The following MKLN1 variants were observed in gnomAD, a reference collection of about 807,000 sequenced individuals.
MKLN1 encodes the protein muskelin.
Under a neutral mutation model 99.0 loss-of-function variants are expected in MKLN1, and 18 were observed. The ratio of observed to expected loss-of-function variants is 0.18; its 90% CI spans 0.13 to 0.27. MKLN1 has a LOEUF of 0.27. Ranked by LOEUF, MKLN1 falls within the 10% of genes least tolerant of loss-of-function variation. The pLI is 1.00. For synonymous variants in MKLN1, 288 were observed against 293.2 expected, an observed-to-expected ratio of 0.98 and a Z score of 0.18; for missense variants, 621 against 875.9, an observed-to-expected ratio of 0.71 and a Z score of 3.67.
intron 8 of MKLN1, among the ~76,000 whole-genome samples, chr7:131,418,369 CAAAAAAA>C (rs943898750): frequency 5.5e-5 from 3 of 54,784 alleles, no homozygotes; most frequent in Non-Finnish European, 1.2e-4. Flanking sequence ...GACTTCGTCT[CAAAAAAA>C]AAAAAAAAAA....
At chr7:131,188,493 A>C (rs1001372035) in intron 2 of MKLN1, among the ~76,000 whole-genome samples, 5 of 151,802 alleles carry the variant, frequency 3.3e-5, no homozygotes, top group African/African-American at 1.2e-4. Context: ...GCTCATCTTG[A>C]CTCCACAGGA....
chr7:131,158,968 T>C (rs1796008151), intron 2 of MKLN1, among the ~76,000 whole-genome samples: 1 of 152,012 alleles, frequency 6.6e-6, no homozygotes. Flanking sequence ...CAAGTTATTA[T>C]AGGGTAGGTT....
chr7:131,349,554 G>A (rs941652679), intron 1 of MKLN1, among the ~76,000 whole-genome samples: 2 of 152,162 alleles, frequency 1.3e-5, no homozygotes, highest in Non-Finnish European at 1.5e-5. Context: ...TGAAGAATGT[G>A]TGTACTAAGC....
In MKLN1 at chr7:131,487,530, A is replaced by G. The variant is rs947442647; in HGVS notation, c.2087-77A>G. The G allele has an allele frequency of 1.2e-5, 18 of 1,486,044 alleles. No homozygotes were observed. In the African/African-American group the frequency reaches 2.4e-4, roughly 20 times the overall value. The allele number at this position is 1,486,044 out of a possible 1,614,324, so 92.1% of individuals were successfully genotyped here. ...ATTTGATTTCTCCATTATAAAATAC[A>G]TTGCTGCTGGTCTCAACTAGTTTTT... On this transcript the variant is annotated intron_variant, in intron 17 of 17. Transcript: ENST00000352689. This position sits in a 1 kb window ranked among gnomAD's most constrained non-coding sequence, Gnocchi z 4.7.
intron 3 of MKLN1, chr7:131,309,868 G>A (rs1050692350): frequency 1.3e-5 from 2 of 152,156 alleles, no homozygotes; most frequent in African/African-American, 4.8e-5. Flanking sequence ...TGGGACTACA[G>A]GTGCCCGCCA....
chr7:131,222,525 C>T (rs539131546), intron 3 of MKLN1, among the ~76,000 whole-genome samples: 1 of 152,306 alleles, frequency 6.6e-6, no homozygotes, highest in Admixed American at 6.5e-5. Flanking sequence ...TACAAAGCAT[C>T]TCCCCTAAGG....
chr7:131,150,254 G>A (rs1795870215), intron 2 of MKLN1, among the ~76,000 whole-genome samples: 1 of 152,156 alleles, frequency 6.6e-6, no homozygotes, highest in South Asian at 2.1e-4. Context: ...GTGACCTTGA[G>A]CAAGCAACTT....
chr7:131,332,468 A>G (rs1478130587), intron 1 of MKLN1, among the ~76,000 whole-genome samples: 1 of 148,662 alleles, frequency 6.7e-6, no homozygotes, highest in East Asian at 1.9e-4. Context: ...ATATTAAAAT[A>G]TATTTTATAT....
chr7:131,233,438 G>T (rs1036996404), intron 3 of MKLN1, among the ~76,000 whole-genome samples: 2 of 150,962 alleles, frequency 1.3e-5, no homozygotes, highest in African/African-American at 4.9e-5. Context: ...GTCATGACAG[G>T]GTTATAACAT....
chr7:131,132,252 A>T (rs533392391), intron 1 of MKLN1, among the ~76,000 whole-genome samples: 8 of 152,318 alleles, frequency 5.3e-5, no homozygotes, highest in South Asian at 2.1e-4. Context: ...GTACAATCTC[A>T]GGTGGCATTC....
At chr7:131,407,497 TGTG>T (rs1794742095) in intron 6 of MKLN1, among the ~76,000 whole-genome samples, 1 of 152,022 alleles carries the variant, frequency 6.6e-6, no homozygotes, top group Admixed American at 6.6e-5. Context: ...AATATTTTAA[TGTG>T]GTGAATTTTT....
intron 2 of MKLN1, among the ~76,000 whole-genome samples, chr7:131,183,971 T>C (rs1796411757): frequency 6.6e-6 from 1 of 151,974 alleles, no homozygotes; most frequent in East Asian, 1.9e-4. Context: ...AAATTGCCTG[T>C]TCACCTCCTC....
chr7:131,187,583 T>C (rs1310710416), intron 2 of MKLN1, among the ~76,000 whole-genome samples: 1 of 152,198 alleles, frequency 6.6e-6, no homozygotes, highest in Non-Finnish European at 1.5e-5. Flanking sequence ...ACAGAGACTA[T>C]ACAGCCTGCA....
chr7:131,320,444 A>G (rs1360824226), intron 3 of MKLN1, among the ~76,000 whole-genome samples: 1 of 152,230 alleles, frequency 6.6e-6, no homozygotes, highest in Admixed American at 6.5e-5. Context: ...TAGATTAAAG[A>G]CTTAAATGTA....
intron 15 of MKLN1, among the ~76,000 whole-genome samples, chr7:131,469,891 T>TC (rs1796770579): frequency 6.6e-6 from 1 of 151,670 alleles, no homozygotes; most frequent in Admixed American, 6.6e-5. Flanking sequence ...CTTTTTTTTT[T>TC]TTGAGACAGG....
chr7:131,217,772 C>G (rs1797005329), intron 3 of MKLN1, among the ~76,000 whole-genome samples: 1 of 152,106 alleles, frequency 6.6e-6, no homozygotes, highest in Admixed American at 6.6e-5. Context: ...TACTTGTACC[C>G]CTGTGTTCAT....
chr7:131,359,445 G>T (rs1346504567), intron 1 of MKLN1, among the ~76,000 whole-genome samples: 1 of 152,090 alleles, frequency 6.6e-6, no homozygotes, highest in African/African-American at 2.4e-5. Flanking sequence ...GTGTGAGCTT[G>T]AGAAGAATAC....
intron 4 of MKLN1, 136 bp from the exon 5 acceptor site, chr7:131,397,131 T>C (rs1415640602): frequency 4.9e-6 from 3 of 607,906 alleles, no homozygotes; most frequent in Non-Finnish European, 8.7e-6. Context: ...CTTAGCACCA[T>C]GCTAGTCATA....
At chr7:131,326,958 A>C (rs1798904092), upstream of MKLN1, 1 of 152,272 alleles carries the variant, frequency 6.6e-6, no homozygotes, top group Admixed American at 6.5e-5. Context: ...ATAAATATGC[A>C]TAACTACAAC....
Sources: allele counts gnomAD v4.1 joint callset (sites outside exome capture counted in the v4.1 genomes callset), GRCh38; gene constraint gnomAD v4.1.1; non-coding constraint Gnocchi (gnomAD v3.1); transcripts MANE v1.5; gene names NCBI Gene and HGNC (gene_info 2026-07-23, HGNC 2026-07-21).